Variants in GTF2I observed in about 807,000 individuals in gnomAD.
GTF2I encodes the protein general transcription factor II-I.
In GTF2I, 12 loss-of-function variants were observed where a neutral mutation model predicts 67.6. The observed-to-expected ratio is 0.18, with a 90% CI of 0.11 to 0.29. The LOEUF (loss-of-function observed/expected upper bound fraction) is 0.29. GTF2I is among the 10% of genes least tolerant of loss of function. GTF2I has a pLI of 1.00. For missense variants in GTF2I, 271 were observed against 580.1 expected (o/e 0.47, Z 5.47); for synonymous variants, 149 against 197.0 (o/e 0.76, Z 2.04).
intron 10 of GTF2I, 117 bp downstream of exon 10, chr7:74,715,033 G>A: frequency 1.8e-6 from 1 of 566,070 alleles, no homozygotes; most frequent in Non-Finnish European, 2.9e-6. Context: ...AATGGAAAAG[G>A]AAAAAAATGT....
chr7:74,672,970 C>T (rs587610920), intron 1 of GTF2I, among the ~76,000 whole-genome samples: 3 of 152,220 alleles, frequency 2.0e-5, no homozygotes, highest in East Asian at 3.9e-4. Flanking sequence ...AAGCGATTCT[C>T]CTGCCTCAGC....
chr7:74,700,216 A>C lies in GTF2I; in HGVS notation c.374-31A>C, dbSNP rs782306584. ...TTTCATTTTGTAATCTTACCATTGA[A>C]TGATGTTCATCCGCTTTTCATCTGC... On this transcript the variant is annotated intron_variant, in intron 4 of 34. Coordinates refer to ENST00000573035, the MANE Select transcript of GTF2I (RefSeq NM_032999.4). 3.1e-6 allele frequency: 5 copies of C among 1,603,736 alleles called. No individual in the cohort carries two copies. In the South Asian group the frequency reaches 5.5e-5, roughly 18 times the overall value.
intron 8 of GTF2I, among the ~76,000 whole-genome samples, chr7:74,709,927 C>T (rs1176441122): frequency 2.0e-5 from 3 of 152,128 alleles, no homozygotes; most frequent in African/African-American, 7.2e-5. Flanking sequence ...CCCGCCTGGA[C>T]CTCCCAAAGT....
At chr7:74,685,360 G>T (rs1396859663) in intron 1 of GTF2I, among the ~76,000 whole-genome samples, 1 of 152,150 alleles carries the variant, frequency 6.6e-6, no homozygotes, top group Non-Finnish European at 1.5e-5. Context: ...AGCCAGGTGT[G>T]GTGGCAGTTA....
intron 13 of GTF2I, among the ~76,000 whole-genome samples, chr7:74,729,979 A>C (rs1794314180): frequency 1.5e-5 from 1 of 66,164 alleles, no homozygotes; most frequent in Admixed American, 2.1e-4. Context: ...TAAATGTTAA[A>C]ACTTCTCGTG....
intron 18 of GTF2I, 122 bp downstream of exon 18, chr7:74,736,805 TA>T (rs1554407483): frequency 6.9e-5 from 5 of 72,988 alleles, no homozygotes; most frequent in Non-Finnish European, 1.1e-4. Context: ...CATTAATATT[TA>T]GATTCACTTA....
At chr7:74,729,955 C>T (rs1325761742) in intron 13 of GTF2I, among the ~76,000 whole-genome samples, 3 of 116,640 alleles carry the variant, frequency 2.6e-5, no homozygotes, top group Admixed American at 9.6e-5. Context: ...AATTAAAAGG[C>T]TAAAAAGAGG....
intron 12 of GTF2I, among the ~76,000 whole-genome samples, chr7:74,724,578 T>C (rs1793519588): frequency 6.6e-6 from 1 of 152,200 alleles, no homozygotes; most frequent in South Asian, 2.1e-4. Context: ...GTGCTTTTGT[T>C]AGTGTGGGTA....
At chr7:74,662,156 G>C (rs13238568) in intron 1 of GTF2I, among the ~76,000 whole-genome samples, 1 of 148,580 alleles carries the variant, frequency 6.7e-6, no homozygotes, top group African/African-American at 2.5e-5. Flanking sequence ...TTTGCGGGAC[G>C]GGGTTGGGGG....
Position 74,695,449 on chromosome 7 carries a change from G to A in GTF2I, c.239-3512G>A, listed in dbSNP as rs28537843. Among the ~76,000 whole-genome samples the A allele has an allele frequency of 8.5e-3, 1,287 of 152,242 alleles. 20 individuals carry two copies. The highest frequency in any genetic ancestry group is 0.029 in the African/African-American group (1,222 of 41,536). On this transcript the variant is annotated intron_variant, in intron 3 of 34. Transcript: ENST00000573035. ...ATCTGTGTGACTTTACTTTATACTT[G>A]TATTATTGTGGTGATTTGGAAATGA...
At chr7:74,706,880 T>G (rs966418881) in intron 8 of GTF2I, among the ~76,000 whole-genome samples, 3 of 152,216 alleles carry the variant, frequency 2.0e-5, no homozygotes, top group Non-Finnish European at 2.9e-5. Flanking sequence ...AGATGGAGTC[T>G]TGCTTTGTCA....
chr7:74,684,657 A>G (rs1787540198), intron 1 of GTF2I: 2 of 152,310 alleles, frequency 1.3e-5, no homozygotes, highest in Admixed American at 6.5e-5. Context: ...GGATGCACCC[A>G]TTTCCAGAGA....
chr7:74,660,180 CT>C (rs34002417), intron 1 of GTF2I, among the ~76,000 whole-genome samples: 323 of 135,738 alleles, frequency 2.4e-3, no homozygotes, highest in Admixed American at 2.8e-3. Flanking sequence ...AAGGTCTTCT[CT>C]TTTTTTTTTT....
At chr7:74,676,790 T>C (rs1486119280) in intron 1 of GTF2I, among the ~76,000 whole-genome samples, 1 of 152,164 alleles carries the variant, frequency 6.6e-6, no homozygotes, top group Non-Finnish European at 1.5e-5. Context: ...GCATGATGGC[T>C]CATGCCTGTA....
chr7:74,681,845 G>A (rs1554394221), intron 1 of GTF2I, among the ~76,000 whole-genome samples: 1 of 152,124 alleles, frequency 6.6e-6, no homozygotes, highest in Admixed American at 6.6e-5. Context: ...CCAGGAGGTG[G>A]AGGTTGCAGT....
chr7:74,692,784 C>T (rs943220050), intron 3 of GTF2I, among the ~76,000 whole-genome samples: 12 of 152,032 alleles, frequency 7.9e-5, no homozygotes, highest in Non-Finnish European at 1.2e-4. Flanking sequence ...TTTTTTGAGA[C>T]GGAGTTTTGC....
chr7:74,723,832 G>A (rs1319104629), intron 12 of GTF2I, among the ~76,000 whole-genome samples: 1 of 151,624 alleles, frequency 6.6e-6, no homozygotes. Flanking sequence ...AGGAAACGTG[G>A]TGACTATGTT....
intron 11 of GTF2I, among the ~76,000 whole-genome samples, chr7:74,717,649 G>C (rs1340902970): frequency 2.6e-5 from 4 of 151,994 alleles, no homozygotes; most frequent in Non-Finnish European, 5.9e-5. Context: ...CTCATAAATT[G>C]GTCATGTTAT....
In GTF2I at chr7:74,716,898, C is replaced by A; in HGVS notation, c.828C>A (p.Ser276Arg). 1.2e-6 allele frequency: 2 copies of A among 1,601,746 alleles called. No homozygotes were observed. Among genetic ancestry groups the A allele is most frequent in the Non-Finnish European group, 1.7e-6 (2 of 1,171,402 alleles). Reference sequence around the variant, plus strand: ...TGTTGTTTATTTTCTTTTTAGGAAGCCACCATTCTTCAGAGGGCAATGAAG... The same window carrying A: ...TGTTGTTTATTTTCTTTTTAGGAAGACACCATTCTTCAGAGGGCAATGAAG... ...KQPLSKPLQG[S>R]HHSSEGNEGT... Residue 276 changes from serine (S) to arginine (R), a missense_variant, in exon 11 of 35, where the codon AGC becomes AGA. By Grantham distance (110) the Ser-to-Arg change is moderately radical. Around this residue, in one of 9 missense-constraint regions of GTF2I, gnomAD observed 124 missense variants for 147.0 expected, o/e 0.84. Transcript: ENST00000573035.
Sources: allele counts gnomAD v4.1 joint callset (sites outside exome capture counted in the v4.1 genomes callset), GRCh38; gene constraint gnomAD v4.1.1; regional missense constraint gnomAD v4.1.1; transcripts MANE v1.5; gene names NCBI Gene and HGNC (gene_info 2026-07-23, HGNC 2026-07-21).